PVT1: variants seen among roughly 807,000 people sequenced by gnomAD.
PVT1 encodes CXCR4/PVT1 fusion.
intron 4 of PVT1, among the ~76,000 whole-genome samples, chr8:127,994,447 A>T (rs1345366615): frequency 6.6e-6 from 1 of 152,168 alleles, no homozygotes; most frequent in East Asian, 1.9e-4. Flanking sequence ...GAGATAGGCT[A>T]TGAGGAGTTA....
chr8:127,926,125 C>A (rs1028073820), intron 3 of PVT1, among the ~76,000 whole-genome samples: 2 of 152,184 alleles, frequency 1.3e-5, no homozygotes, highest in Non-Finnish European at 2.9e-5. Flanking sequence ...GCTCTCTTCT[C>A]CCCAGAGTGG....
intron 2 of PVT1, among the ~76,000 whole-genome samples, chr8:127,826,900 A>T (rs1044912197): frequency 2.0e-5 from 3 of 151,998 alleles, no homozygotes; most frequent in African/African-American, 7.2e-5. Context: ...CCCTGGGAGT[A>T]TGCAAAATCT....
At chr8:127,824,183 A>G (rs917240463) in intron 2 of PVT1, among the ~76,000 whole-genome samples, 2 of 152,208 alleles carry the variant, frequency 1.3e-5, no homozygotes, top group Non-Finnish European at 2.9e-5. Context: ...CCTATCTCAA[A>G]AAAAAGGAAC....
chr8:127,817,546 T>TATATACAC (rs1280832628), intron 2 of PVT1, among the ~76,000 whole-genome samples: 149 of 89,948 alleles, frequency 1.7e-3, no homozygotes, highest in South Asian at 2.6e-3. Flanking sequence ...TATATATATA[T>TATATACAC]ACACACACAC....
chr8:128,071,687 AAAATAAAT>A lies in PVT1; in HGVS notation n.1114+1354_1114+1361del, dbSNP rs57815252. On this transcript the variant is annotated intron_variant and non_coding_transcript_variant, in intron 5 of 10. Transcript: ENST00000651587. The stretch of plus-strand genomic sequence containing the variant: ...GAGACAGATTTGAGACTCTGTCTCT[AAAATAAAT>A]AAATAAATAAATAAATAAATAAATA... Among the ~76,000 whole-genome samples the A allele has an allele frequency of 2.1e-3, 294 of 139,860 alleles. 4 individuals carry two copies. Among genetic ancestry groups the A allele is most frequent in the African/African-American group, 6.9e-3 (258 of 37,362 alleles). The allele number at this position is 139,860 out of a possible 152,430, so 91.8% of individuals were successfully genotyped here.
intron 2 of PVT1, among the ~76,000 whole-genome samples, chr8:127,886,115 A>T (rs57877914): frequency 0.18 from 28,007 of 151,966 alleles, 3,402 homozygotes; most frequent in African/African-American, 0.31. Flanking sequence ...AATAAATAAA[A>T]TAAATAAATA....
At chr8:127,822,220 C>A (rs1310678017) in intron 2 of PVT1, among the ~76,000 whole-genome samples, 1 of 152,138 alleles carries the variant, frequency 6.6e-6, no homozygotes, top group East Asian at 1.9e-4. Flanking sequence ...TTTTTTAGAA[C>A]CTGAGGACAC....
intron 3 of PVT1, among the ~76,000 whole-genome samples, chr8:127,970,228 A>G (rs920432620): frequency 6.9e-6 from 1 of 145,116 alleles, no homozygotes; most frequent in South Asian, 2.2e-4. Context: ...GGGGGCACAC[A>G]TTTCAGCATA....
intron 3 of PVT1, among the ~76,000 whole-genome samples, chr8:127,984,856 T>A (rs1816928998): frequency 2.3e-5 from 1 of 43,132 alleles, no homozygotes; most frequent in South Asian, 1.1e-3. Context: ...TTTCTTTCTT[T>A]CTTTCTTTCT....
rs188185820 is a variant in PVT1, at chr8:128,052,016, A to T, written n.913-18144A>T. 6.6e-5 allele frequency among the ~76,000 whole-genome samples: 10 copies of T among 152,232 alleles called. No homozygotes were observed. In the South Asian group the frequency reaches 8.3e-4, roughly 13 times the overall value. On this transcript the variant is annotated intron_variant and non_coding_transcript_variant, in intron 4 of 10. Coordinates refer to ENST00000651587, the Ensembl canonical transcript of PVT1. ...TTGTAACCCTTGGGGTCTTGTGTTG[A>T]TGTCTACATATTTTAAGAAGTAGAG...
chr8:127,958,243 T>C (rs1187236132), intron 3 of PVT1, among the ~76,000 whole-genome samples: 2 of 151,714 alleles, frequency 1.3e-5, no homozygotes, highest in African/African-American at 4.9e-5. Flanking sequence ...TCTTTTCTTT[T>C]CTTTCTTTTT....
intron 3 of PVT1, among the ~76,000 whole-genome samples, chr8:127,980,145 G>A (rs547136692): frequency 6.6e-6 from 1 of 152,244 alleles, no homozygotes; most frequent in South Asian, 2.1e-4. Flanking sequence ...ACCTCCTGAA[G>A]CGCTGGGATT....
intron 4 of PVT1, among the ~76,000 whole-genome samples, chr8:128,068,974 T>G (rs1043138968): frequency 6.6e-6 from 1 of 152,240 alleles, no homozygotes; most frequent in African/African-American, 2.4e-5. Flanking sequence ...GAAAGCTGTG[T>G]GACAAAAGGG....
chr8:127,839,712 C>T (rs962791959), intron 2 of PVT1, among the ~76,000 whole-genome samples: 1 of 152,110 alleles, frequency 6.6e-6, no homozygotes, highest in Middle Eastern at 3.4e-3. Context: ...TCTAATGGCT[C>T]AGCTGAGGAA....
Position 127,834,838 on chromosome 8 carries a change from AC to A in PVT1, n.372+38768del, listed in dbSNP as rs2129704645. ...CCAACAAACAAATGAAAAACAGAAA[AC>A]AAAAAACAACTCATCATTACTGGTC... On this transcript the variant is annotated intron_variant and non_coding_transcript_variant, in intron 2 of 10. Coordinates refer to ENST00000651587, the Ensembl canonical transcript of PVT1. Among the ~76,000 whole-genome samples the A allele has an allele frequency of 1.3e-5, 2 of 152,318 alleles. 1 individual carries two copies. Among genetic ancestry groups the A allele is most frequent in the South Asian group, 4.2e-4 (2 of 4,814 alleles).
chr8:127,960,560 T>G, intron 3 of PVT1: 1 of 386,290 alleles, frequency 2.6e-6, no homozygotes, highest in Non-Finnish European at 5.4e-6. Context: ...AGGATCTTTG[T>G]GGCCTTCTGG....
chr8:127,927,552 G>C (rs1816145371), intron 3 of PVT1, among the ~76,000 whole-genome samples: 1 of 152,196 alleles, frequency 6.6e-6, no homozygotes, highest in South Asian at 2.1e-4. Flanking sequence ...GCATGGTCCA[G>C]GATCTGTGGG....
intron 3 of PVT1, among the ~76,000 whole-genome samples, chr8:127,897,540 A>G (rs998868677): frequency 6.7e-6 from 1 of 148,498 alleles, no homozygotes; most frequent in Admixed American, 6.6e-5. Context: ...GAAAGAAAGA[A>G]AGAGGAAAGA....
At chr8:127,802,513 G>A (rs1479873520) in intron 2 of PVT1, among the ~76,000 whole-genome samples, 1 of 152,236 alleles carries the variant, frequency 6.6e-6, no homozygotes, top group Non-Finnish European at 1.5e-5. Flanking sequence ...ACTGCACCCT[G>A]CCAAGTTATC....
Sources: gnomAD v4.1 joint callset for allele counts (sites outside exome capture counted in the v4.1 genomes callset) on GRCh38, gnomAD v4.1.1 for gene constraint, MANE v1.5 for transcripts, NCBI Gene and HGNC (gene_info 2026-07-23, HGNC 2026-07-21) for gene names.